Variants in UNKL observed in about 807,000 individuals in gnomAD.
UNKL encodes the protein putative E3 ubiquitin-protein ligase UNKL.
A neutral mutation model predicts 78.0 loss-of-function variants in UNKL; 60 were observed. The observed-to-expected ratio is 0.77, with a 90% CI of 0.63 to 0.95. UNKL has a LOEUF of 0.95. UNKL is among the 40% of genes least tolerant of loss of function. The pLI, the probability that UNKL is intolerant of heterozygous loss-of-function variation, is 0.00. For missense variants in UNKL, 1,159 were observed against 1,045.7 expected, an observed-to-expected ratio of 1.11 and a Z score of -1.49; for synonymous variants, 608 against 474.8, an observed-to-expected ratio of 1.28 and a Z score of -3.65.
At chr16:1,385,130 T>C (rs2142090222) in intron 10 of UNKL, 78 bp downstream of exon 10, 1 of 1,094,422 alleles carries the variant, frequency 9.1e-7, no homozygotes, top group African/African-American at 1.6e-5. Context: ...TGTCCTGAAA[T>C]AGAAGCGCTG....
intron 2 of UNKL, among the ~76,000 whole-genome samples, chr16:1,406,514 A>G (rs1035233959): frequency 6.6e-6 from 1 of 151,896 alleles, no homozygotes. Flanking sequence ...CGCCCGGCCT[A>G]ATTTTTTTGT....
intron 11 of UNKL, among the ~76,000 whole-genome samples, chr16:1,371,079 T>C (rs868347691): frequency 7.9e-6 from 1 of 126,724 alleles, no homozygotes; most frequent in East Asian, 2.2e-4. Context: ...CGAGGCTCTG[T>C]CTCAAAAAAA....
rs114572241 is a variant in UNKL at position 1,391,641 on chromosome 16, C to T, written c.1024-947G>A. ...AAGGTCTCATGAAACAGAAGAGATGCCTGAACCTGCTGGCTCCCTGTCGGT... is the reference window on the plus strand; with the variant it reads ...AAGGTCTCATGAAACAGAAGAGATGTCTGAACCTGCTGGCTCCCTGTCGGT... On this transcript the variant is annotated intron_variant, in intron 8 of 14. Coordinates refer to ENST00000389221, the MANE Select transcript of UNKL (RefSeq NM_001372107.1). Among the ~76,000 whole-genome samples, 1,118 of 151,984 alleles carry T rather than the reference C, an allele frequency of 7.4e-3. 21 individuals are homozygous for T. The highest frequency in any genetic ancestry group is 0.026 in the African/African-American group (1,064 of 41,430).
intron 3 of UNKL, 74 bp from the exon 4 acceptor site, chr16:1,401,775 C>A: frequency 6.5e-7 from 1 of 1,529,370 alleles, no homozygotes. Context: ...CACTGGAGGG[C>A]ACGCTCCCCT....
At chr16:1,395,562 T>C (rs1453187109) in intron 6 of UNKL, 2 of 403,754 alleles carry the variant, frequency 5.0e-6, no homozygotes, top group Non-Finnish European at 1.0e-5. Context: ...CTGCACCTTC[T>C]AGTGGAGGCA....
chr16:1,400,748 C>T (rs879837744), intron 4 of UNKL, among the ~76,000 whole-genome samples: 4 of 151,850 alleles, frequency 2.6e-5, no homozygotes, highest in Non-Finnish European at 4.4e-5. Context: ...AGTGCAGTGG[C>T]GTGATCTTGG....
In UNKL at chr16:1,399,380, T is replaced by C. The variant is rs533145009; in HGVS notation, c.728A>G (p.Gln243Arg). ...RDRRRNPRRFQYRSTPCPSVK... is the reference protein window; with the variant it reads ...RDRRRNPRRFRYRSTPCPSVK... ...CACGGTCCCGCAGGCTCACCTGTAC[T>C]GGAACCGCCGGGGGTTGCGCCGCCT... The change falls in exon 5 of 15, where the codon CAG becomes CGG. Residue 243 changes from glutamine to arginine, a missense_variant. Coordinates refer to ENST00000389221, the MANE Select transcript of UNKL (RefSeq NM_001372107.1). This position sits in a 1 kb window ranked among gnomAD's most constrained non-coding sequence, Gnocchi z 5.8. 160 of 1,595,784 alleles carry C rather than the reference T, an allele frequency of 1.0e-4. 2 individuals are homozygous for C. Among genetic ancestry groups the C allele is most frequent in the Middle Eastern group, 6.2e-4 (3 of 4,812 alleles).
At chr16:1,394,870 T>C (rs541444087) in intron 6 of UNKL, among the ~76,000 whole-genome samples, 4 of 152,276 alleles carry the variant, frequency 2.6e-5, no homozygotes, top group South Asian at 2.1e-4. Context: ...GGGGTCCCGT[T>C]TGCTTGTTCA....
rs767316493 is a variant in UNKL at position 1,403,359 on chromosome 16, G to A, written c.288-15C>T. 3 of 1,612,536 alleles carry A rather than the reference G, an allele frequency of 1.9e-6. No homozygotes were observed. Among genetic ancestry groups the A allele is most frequent in the African/African-American group, 1.3e-5 (1 of 74,926 alleles). On this transcript the variant is annotated splice_polypyrimidine_tract_variant and intron_variant, in intron 2 of 14. Transcript: ENST00000389221. The surrounding 1 kb of genome is among the most constrained non-coding windows in gnomAD (Gnocchi z 4.8). ...GGTAGGGACACCTGGGGAGCAGAGA[G>A]GCACGCAATGCCTGGTTATCATGGA...
intron 2 of UNKL, among the ~76,000 whole-genome samples, chr16:1,405,700 G>T (rs2037726178): frequency 1.3e-5 from 2 of 151,918 alleles, no homozygotes; most frequent in Non-Finnish European, 2.9e-5. Context: ...CCAAGGAGGG[G>T]ACGCACGAGC....
intron 12 of UNKL, among the ~76,000 whole-genome samples, chr16:1,369,528 C>A (rs1011159149): frequency 6.6e-6 from 1 of 152,136 alleles, no homozygotes; most frequent in South Asian, 2.1e-4. Context: ...CACCACCACA[C>A]CCGGCTAATT....
chr16:1,369,843 C>CG (rs2035641576), intron 12 of UNKL: 1 of 1,120,748 alleles, frequency 8.9e-7, no homozygotes, highest in Non-Finnish European at 1.3e-6. Flanking sequence ...GGCGTGGTGG[C>CG]GCCCGCCTGT....
Position 1,364,150 on chromosome 16 carries a change from T to C in UNKL, c.*2090A>G, listed in dbSNP as rs1475251237. On this transcript the variant is annotated 3_prime_UTR_variant, in exon 15 of 15. Coordinates refer to ENST00000389221, the MANE Select transcript of UNKL (RefSeq NM_001372107.1). ...CAAAATATACGTAATTTCTAGATAC[T>C]GAGCTAATAAATCACTGTAGTTAAA... 3 of 152,238 alleles carry C rather than the reference T, an allele frequency of 2.0e-5. No homozygotes were observed. The highest frequency in any genetic ancestry group is 2.9e-5 in the Non-Finnish European group (2 of 68,042). 9.4% of individuals were successfully genotyped at this position (152,238 alleles called of 1,614,324 possible). A position where few individuals can be genotyped will look rare whatever the true frequency, so the allele number is the denominator to read the frequency against.
At chr16:1,382,833 C>T (rs1284440568) in intron 10 of UNKL, among the ~76,000 whole-genome samples, 1 of 152,042 alleles carries the variant, frequency 6.6e-6, no homozygotes, top group Non-Finnish European at 1.5e-5. Context: ...TGGCAGGCGC[C>T]TATAGTCCCA....
chr16:1,378,606 G>A (rs568568122), intron 10 of UNKL, among the ~76,000 whole-genome samples: 20 of 152,292 alleles, frequency 1.3e-4, no homozygotes, highest in African/African-American at 1.9e-4. Flanking sequence ...ATGCTCACCC[G>A]ACAAACTACG....
At chr16:1,368,451 A>C (rs896025116) in intron 12 of UNKL, among the ~76,000 whole-genome samples, 3 of 151,738 alleles carry the variant, frequency 2.0e-5, no homozygotes, top group African/African-American at 7.3e-5. Flanking sequence ...AAATACAAAA[A>C]ATTAGCCAGG....
chr16:1,372,757 G>A (rs918953452), intron 10 of UNKL, among the ~76,000 whole-genome samples: 1 of 152,302 alleles, frequency 6.6e-6, no homozygotes, highest in South Asian at 2.1e-4. Context: ...CACCCTGTGG[G>A]CCGGCGCCGC....
rs1207402578 is a variant in UNKL at position 1,387,293 on chromosome 16, A to G, written c.1087-1908T>C. ...AATCCCCCATGGTGAGCCTGGTGACAGGGTTGCTGGAAGCCTCATGTTCTC... is the reference window on the plus strand; with the variant it reads ...AATCCCCCATGGTGAGCCTGGTGACGGGGTTGCTGGAAGCCTCATGTTCTC... On this transcript the variant is annotated intron_variant, in intron 9 of 14. Transcript: ENST00000389221. The surrounding 1 kb of genome is among the most constrained non-coding windows in gnomAD (Gnocchi z 4.1). Among the ~76,000 whole-genome samples, 2 of 152,176 alleles carry G rather than the reference A, an allele frequency of 1.3e-5. No individual in the cohort carries two copies. The highest frequency in any genetic ancestry group is 2.9e-5 in the Non-Finnish European group (2 of 68,030).
In UNKL at chr16:1,370,234, G is replaced by C; in HGVS notation, c.1481C>G (p.Pro494Arg). The C allele has an allele frequency of 6.5e-7, 1 of 1,531,654 alleles. No homozygotes were observed. Among genetic ancestry groups the C allele is most frequent in the Non-Finnish European group, 8.8e-7 (1 of 1,139,648 alleles). 94.9% of individuals were successfully genotyped at this position (1,531,654 alleles called of 1,614,324 possible). A position where few individuals can be genotyped will look rare whatever the true frequency, so the allele number is the denominator to read the frequency against. ...CATGGCTGAGGAGCCCACCGGCCCT[G>C]GGAGGGGCTGGGACAGCGAACCGAG... ...SPLGSLSQPL[P>R]GPVGSSAMTP... Residue 494 changes from proline to arginine, a missense_variant, in exon 12 of 15, where the codon CCA becomes CGA. By Grantham distance (103) the Pro-to-Arg change is moderately radical. Transcript: ENST00000389221.
Sources: gnomAD v4.1 joint callset for allele counts (sites outside exome capture counted in the v4.1 genomes callset) on GRCh38, gnomAD v4.1.1 for gene constraint, Gnocchi (gnomAD v3.1) non-coding constraint, MANE v1.5 for transcripts, NCBI Gene and HGNC (gene_info 2026-07-23, HGNC 2026-07-21) for gene names.